The following CCDC136 variants were observed in gnomAD, a reference collection of about 807,000 sequenced individuals.
The protein encoded by CCDC136 is coiled-coil domain-containing protein 136.
CCDC136 carries 100 observed loss-of-function variants against 141.2 expected under a neutral mutation model. The observed-to-expected ratio is 0.71, with a 90% CI of 0.60 to 0.84. The LOEUF (loss-of-function observed/expected upper bound fraction) is 0.84, where lower values mean the gene tolerates loss of function less well. CCDC136 is among the 40% of genes least tolerant of loss of function. The probability of loss-of-function intolerance (pLI) is 0.00; values close to 1 mark genes in which losing one functional copy is unlikely to be tolerated. For synonymous variants in CCDC136, 474 were observed against 531.9 expected (o/e 0.89, Z 1.50); for missense variants, 1,206 against 1,379.4 (o/e 0.87, Z 1.99).
At position 128,817,765 on chromosome 7, in the gene CCDC136, C is replaced by G; in HGVS notation, c.3371C>G (p.Pro1124Arg). The G allele has an allele frequency of 1.2e-6, 2 of 1,613,484 alleles. No individual in the cohort carries two copies. ...CATTTTGGTGTGTTGCAGTCATCCCCTACCCCCAATCCCCCCATCTTCTCC... is the reference window on the plus strand; with the variant it reads ...CATTTTGGTGTGTTGCAGTCATCCCGTACCCCCAATCCCCCCATCTTCTCC... Reference protein sequence around the residue: ...LRLSESKKSSPTPNPPIFSLP... With the variant: ...LRLSESKKSSRTPNPPIFSLP... The change falls in exon 17 of 18, where the codon CCT (proline) becomes CGT (arginine). Residue 1124 changes from proline to arginine, a missense_variant. Physicochemically the swap from Pro to Arg is moderately radical, Grantham distance 103. Transcript: ENST00000297788. The surrounding 1 kb of genome is among the most constrained non-coding windows in gnomAD (Gnocchi z 4.6).
chr7:128,807,561 A>G lies in CCDC136; in HGVS notation c.1605+16A>G. The G allele has an allele frequency of 7.4e-7, 1 of 1,360,330 alleles. No homozygotes were observed. The highest frequency in any genetic ancestry group is 1.8e-5 in the South Asian group (1 of 55,904). The allele number at this position is 1,360,330 out of a possible 1,614,324, so 84.3% of individuals were successfully genotyped here. ...TGCTAATAAGGTAATTGTCGTTCAG[A>G]GAGGTGACAGCTCCTGGGCACTTGC... On this transcript the variant is annotated intron_variant, in intron 10 of 17. Coordinates refer to ENST00000297788, the MANE Select transcript of CCDC136 (RefSeq NM_022742.5).
intron 3 of CCDC136, among the ~76,000 whole-genome samples, chr7:128,798,063 G>A (rs1200146802): frequency 9.9e-5 from 15 of 150,842 alleles, no homozygotes; most frequent in African/African-American, 3.7e-4. Flanking sequence ...GACTACAGGC[G>A]CCCGCCACCA....
chr7:128,812,565 T>G lies in CCDC136; in HGVS notation c.2542-143T>G, dbSNP rs1805919384. 8.3e-6 allele frequency: 6 copies of G among 723,286 alleles called. No homozygotes were observed. In the Admixed American group the frequency reaches 1.4e-4, roughly 17 times the overall value. 44.8% of individuals were successfully genotyped at this position (723,286 alleles called of 1,614,324 possible). A position where few individuals can be genotyped will look rare whatever the true frequency, so the allele number is the denominator to read the frequency against. On this transcript the variant is annotated intron_variant, in intron 13 of 17. Coordinates refer to ENST00000297788, the MANE Select transcript of CCDC136 (RefSeq NM_022742.5). Reference sequence around the variant, plus strand: ...TTCCTCACCACAGCCACGATGCTCTTTATGGGGGTAAATATAGTAATCCCC... The same window carrying G: ...TTCCTCACCACAGCCACGATGCTCTGTATGGGGGTAAATATAGTAATCCCC...
At position 128,801,293 on chromosome 7, in the gene CCDC136, A is replaced by G; in HGVS notation, c.454A>G (p.Ser152Gly). The change falls in exon 4 of 18, where the codon AGT (serine) becomes GGT (glycine). Residue 152 changes from serine (S) to glycine (G), a missense_variant. Physicochemically the swap from Ser to Gly is moderately conservative, Grantham distance 56 (BLOSUM62 0). Transcript: ENST00000297788. ...GCATTTGGCCCAGGCTGAGATCCAG[A>G]GTCTGCGGCAAGCAGCAGAGGATTC... ...ELHLAQAEIQ[S>G]LRQAAEDSAT... The G allele has an allele frequency of 6.2e-7, 1 of 1,613,902 alleles. No homozygotes were observed. Among genetic ancestry groups the G allele is most frequent in the Non-Finnish European group, 8.5e-7 (1 of 1,179,828 alleles).
At chr7:128,806,911 G>A (rs979662616) in intron 9 of CCDC136, 53 bp downstream of exon 9, 2 of 1,534,526 alleles carry the variant, frequency 1.3e-6, no homozygotes, top group Non-Finnish European at 1.8e-6. Flanking sequence ...TCTTGTGTGA[G>A]GGTGAGAGCA....
chr7:128,810,027 C>A lies in CCDC136; in HGVS notation c.1801-112C>A, dbSNP rs556703455. The A allele has an allele frequency of 3.0e-5, 21 of 694,120 alleles. 2 individuals carry two copies. The African/African-American group carries it at 3.2e-4, about 11-fold the overall frequency. 43.0% of individuals were successfully genotyped at this position (694,120 alleles called of 1,614,324 possible). On this transcript the variant is annotated intron_variant, in intron 11 of 17. Transcript: ENST00000297788. ...CCCCAGATGGGCTCTGTGAAGTCAA[C>A]CCTGAGATTCTTCAGGGAATTGTTC... is the stretch of plus-strand genomic sequence containing the variant.
intron 12 of CCDC136, among the ~76,000 whole-genome samples, chr7:128,810,815 T>C (rs192660455): frequency 6.6e-6 from 1 of 152,346 alleles, no homozygotes; most frequent in African/African-American, 2.4e-5. Flanking sequence ...GTGTTCTCTA[T>C]GAGGCAAATT....
chr7:128,815,021 AGAAGCTTCTGG>A, intron 15 of CCDC136, 102 bp downstream of exon 15: 2 of 1,051,102 alleles, frequency 1.9e-6, no homozygotes, highest in Non-Finnish European at 2.7e-6. Flanking sequence ...GGATTTGTAG[AGAAGCTTCTGG>A]GATCTCTGAA....
chr7:128,813,965 A>G (rs953453465), intron 14 of CCDC136, among the ~76,000 whole-genome samples: 2 of 152,128 alleles, frequency 1.3e-5, no homozygotes, highest in African/African-American at 4.8e-5. Context: ...CTGGGCAACA[A>G]GAGTGAAACT....
Position 128,805,250 on chromosome 7 carries a change from G to T in CCDC136, c.783-109G>T. ...TCTGAGCGGTGAGTCACAATAGAAGGCCCCTTACTATCTTTGGCCTAAAAT... is the reference window on the plus strand; with the variant it reads ...TCTGAGCGGTGAGTCACAATAGAAGTCCCCTTACTATCTTTGGCCTAAAAT... On this transcript the variant is annotated intron_variant, in intron 5 of 17. Transcript: ENST00000297788. This position sits in a 1 kb window ranked among gnomAD's most constrained non-coding sequence, Gnocchi z 4.6. 1 of 860,094 alleles carries T rather than the reference G, an allele frequency of 1.2e-6. No homozygotes were observed. Among genetic ancestry groups the T allele is most frequent in the Admixed American group, 2.1e-5 (1 of 48,500 alleles). 53.3% of individuals were successfully genotyped at this position (860,094 alleles called of 1,614,324 possible).
rs188506772 is a variant in CCDC136 at position 128,805,284 on chromosome 7, C to T, written c.783-75C>T. ...TATCTTTGGCCTAAAATGAAGGTAT[C>T]AGGACAAAGCCTGCATGGCTGGTGA... is the stretch of plus-strand genomic sequence containing the variant. On this transcript the variant is annotated intron_variant, in intron 5 of 17. Coordinates refer to ENST00000297788, the MANE Select transcript of CCDC136 (RefSeq NM_022742.5). The surrounding 1 kb of genome is among the most constrained non-coding windows in gnomAD (Gnocchi z 4.6). The T allele has an allele frequency of 6.0e-6, 8 of 1,335,500 alleles. No homozygotes were observed. The East Asian group carries it at 7.1e-5, about 12-fold the overall frequency. The allele number at this position is 1,335,500 out of a possible 1,614,324, so 82.7% of individuals were successfully genotyped here.
chr7:128,815,685 GAA>G lies in CCDC136; in HGVS notation c.3119_3120del (p.Lys1040ArgfsTer21). 6.4e-7 allele frequency: 1 copy of G among 1,555,658 alleles called. No homozygotes were observed. Among genetic ancestry groups the G allele is most frequent in the Non-Finnish European group, 8.7e-7 (1 of 1,149,334 alleles). On this transcript the variant is annotated frameshift_variant, in exon 16 of 18. Transcript: ENST00000297788. LOFTEE classifies it high-confidence loss of function. ...ATGGACTAGCAAAAGAGGAGGAAAA[GAA>G]AGAGGAGATGGAGGAGGAAAAAAAG... Reference protein sequence around the residue: ...LDGLAKEEEKKEEMEEEKKQV... With the variant: ...LDGLAKEEEKXEEMEEEKKQV...
chr7:128,799,505 G>T (rs1042195182), intron 3 of CCDC136, among the ~76,000 whole-genome samples: 1 of 151,578 alleles, frequency 6.6e-6, no homozygotes, highest in African/African-American at 2.4e-5. Context: ...AGATCCTGGA[G>T]CTGTAATGGT....
chr7:128,806,586 A>G, intron 8 of CCDC136, 102 bp from the exon 9 acceptor site: 1 of 1,239,640 alleles, frequency 8.1e-7, no homozygotes, highest in African/African-American at 1.5e-5. Flanking sequence ...GAAGGGCAGG[A>G]AGAAGCAAAT....
At chr7:128,798,161 C>T (rs1196008958) in intron 3 of CCDC136, among the ~76,000 whole-genome samples, 1 of 149,856 alleles carries the variant, frequency 6.7e-6, no homozygotes, top group Non-Finnish European at 1.5e-5. Context: ...TCATGATCCG[C>T]CCGCCTCTGC....
chr7:128,817,885 CCTT>C lies in CCDC136; in HGVS notation c.*5+24_*5+26del, dbSNP rs1806892498. ...TGCAGGTACTGGTATTGCTTCCTCT[CCTT>C]CTGAGGGATAGAGGGAGGGTGCAGG... On this transcript the variant is annotated intron_variant, in intron 17 of 17. Coordinates refer to ENST00000297788, the MANE Select transcript of CCDC136 (RefSeq NM_022742.5). The surrounding 1 kb of genome is among the most constrained non-coding windows in gnomAD (Gnocchi z 4.6). The C allele has an allele frequency of 6.3e-7, 1 of 1,576,580 alleles. No homozygotes were observed. The highest frequency in any genetic ancestry group is 1.1e-5 in the South Asian group (1 of 90,264).
chr7:128,814,341 C>T (rs1309270594), intron 14 of CCDC136, among the ~76,000 whole-genome samples: 2 of 152,126 alleles, frequency 1.3e-5, no homozygotes, highest in Admixed American at 6.5e-5. Context: ...CCACCTCAGC[C>T]TCTTGAAGTG....
In CCDC136 at chr7:128,807,349, C is replaced by T. The variant is rs113754982; in HGVS notation, c.1420-11C>T. On this transcript the variant is annotated splice_polypyrimidine_tract_variant and intron_variant, in intron 9 of 17. Transcript: ENST00000297788. ...CCTGGGATGATGGCCAGGCCTGCCT[C>T]CCCTGCCCAGGACACAGAGACGCAC... 2.0e-6 allele frequency: 3 copies of T among 1,464,188 alleles called. No individual in the cohort carries two copies. The highest frequency in any genetic ancestry group is 2.7e-6 in the Non-Finnish European group (3 of 1,100,896). 90.7% of individuals were successfully genotyped at this position (1,464,188 alleles called of 1,614,324 possible).
At chr7:128,795,937 G>A (rs553663579) in intron 3 of CCDC136, among the ~76,000 whole-genome samples, 2 of 152,240 alleles carry the variant, frequency 1.3e-5, no homozygotes, top group South Asian at 4.1e-4. Flanking sequence ...CTATGAACAC[G>A]ATATAATAAT....
Sources: allele counts gnomAD v4.1 joint callset (sites outside exome capture counted in the v4.1 genomes callset), GRCh38; gene constraint gnomAD v4.1.1; non-coding constraint Gnocchi (gnomAD v3.1); transcripts MANE v1.5; gene names NCBI Gene and HGNC (gene_info 2026-07-23, HGNC 2026-07-21).